The following MAN2A2 variants were observed in gnomAD, a reference collection of about 807,000 sequenced individuals.
MAN2A2 encodes alpha-mannosidase 2x.
MAN2A2 carries 79 observed loss-of-function variants against 126.8 expected under a neutral mutation model. That is an observed-to-expected ratio of 0.62 (90% CI 0.52 to 0.75). MAN2A2 has a LOEUF of 0.75. Among genes scored for constraint, MAN2A2 ranks in the 30% least tolerant of loss-of-function variants. The probability of loss-of-function intolerance (pLI) is 0.00; values close to 1 mark genes in which losing one functional copy is unlikely to be tolerated. For missense variants in MAN2A2, 1,392 were observed against 1,522.4 expected, an observed-to-expected ratio of 0.91 and a Z score of 1.43; for synonymous variants, 671 against 618.7, an observed-to-expected ratio of 1.08 and a Z score of -1.25.
At position 90,907,396 on chromosome 15, in the gene MAN2A2, T is replaced by C. The variant is rs2034384716; in HGVS notation, c.1097T>C (p.Ile366Thr). 6.2e-7 allele frequency: 1 copy of C among 1,614,142 alleles called. No homozygotes were observed. The highest frequency in any genetic ancestry group is 8.5e-7 in the Non-Finnish European group (1 of 1,180,008). The change falls in exon 8 of 23, where the codon ATC (isoleucine) becomes ACC (threonine). Residue 366 changes from isoleucine (I) to threonine (T), a missense_variant. Coordinates refer to ENST00000559717, the MANE Select transcript of MAN2A2 (RefSeq NM_006122.4). ...VPHTCGPDPK[I>T]CCQFDFKRLP... ...CATACCTGTGGCCCAGATCCCAAGA[T>C]CTGCTGCCAATTTGATTTCAAACGC...
At chr15:90,918,530 C>G in intron 21 of MAN2A2, 115 bp from the exon 22 acceptor site, 2 of 1,227,304 alleles carry the variant, frequency 1.6e-6, no homozygotes, top group Non-Finnish European at 2.3e-6. Flanking sequence ...AGGTTTTGGC[C>G]TTTCCTTACC....
chr15:90,915,305 A>C (rs190634380), intron 19 of MAN2A2: 6 of 152,344 alleles, frequency 3.9e-5, no homozygotes, highest in African/African-American at 1.2e-4. Context: ...TAAGGACTGG[A>C]GAGGTGAAAG....
chr15:90,906,311 G>A, intron 5 of MAN2A2, 59 bp from the exon 6 acceptor site: 2 of 1,605,862 alleles, frequency 1.2e-6, no homozygotes, highest in South Asian at 2.2e-5. Flanking sequence ...GACATTTGCT[G>A]GTTGGCAGGA....
In MAN2A2 at chr15:90,910,863, G is replaced by A. The variant is rs1215966127; in HGVS notation, c.1777G>A (p.Val593Ile). 3 of 1,613,964 alleles carry A rather than the reference G, an allele frequency of 1.9e-6. No homozygotes were observed. In the African/African-American group the frequency reaches 4.0e-5, roughly 22 times the overall value. The change falls in exon 12 of 23, where the codon GTC becomes ATC. Residue 593 changes from valine (V) to isoleucine (I), a missense_variant. Coordinates refer to ENST00000559717, the MANE Select transcript of MAN2A2 (RefSeq NM_006122.4). ...CACCCACAGGCTTCTGCGCTCCCTT[G>A]TCAACCTGAAGCAGGTCATCATTCA... ...DYGVRLLRSL[V>I]NLKQVIIHAA...
intron 20 of MAN2A2, 85 bp from the exon 21 acceptor site, chr15:90,918,109 G>T: frequency 7.6e-7 from 1 of 1,320,514 alleles, no homozygotes; most frequent in South Asian, 1.3e-5. Context: ...CAAAACAACT[G>T]ACCTGGGTGT....
chr15:90,912,438 G>C (rs1164779132), intron 15 of MAN2A2, 104 bp from the exon 16 acceptor site: 1 of 1,590,816 alleles, frequency 6.3e-7, no homozygotes, highest in Non-Finnish European at 8.6e-7. Context: ...GACAGCATGG[G>C]GAAGCAGGGC....
chr15:90,910,336 C>G (rs1216718079), intron 10 of MAN2A2, 44 bp downstream of exon 10: 2 of 1,607,474 alleles, frequency 1.2e-6, no homozygotes, highest in South Asian at 1.1e-5. Flanking sequence ...GGAGAGTCAG[C>G]CTTTGGGGTT....
rs768468234 is a variant in MAN2A2 at position 90,916,197 on chromosome 15, A to C, written c.2935A>C (p.Asn979His). 1.2e-6 allele frequency: 2 copies of C among 1,614,056 alleles called. No homozygotes were observed. Among genetic ancestry groups the C allele is most frequent in the Non-Finnish European group, 1.7e-6 (2 of 1,180,026 alleles). The change falls in exon 20 of 23, where the codon AAC becomes CAC. Residue 979 changes from asparagine to histidine, a missense_variant. Asn to His is a moderately conservative substitution (Grantham distance 68). Coordinates refer to ENST00000559717, the MANE Select transcript of MAN2A2 (RefSeq NM_006122.4). The stretch of plus-strand genomic sequence containing the variant: ...GGGCCTAGGCCAAGGGCTCAAGGAC[A>C]ACAAGAGAACCTGCAACCGTTTCCG... ...NRGLGQGLKD[N>H]KRTCNRFRLL...
intron 7 of MAN2A2, 42 bp downstream of exon 7, chr15:90,906,955 T>G (rs1250504840): frequency 6.2e-7 from 1 of 1,603,058 alleles, no homozygotes; most frequent in Admixed American, 1.7e-5. Flanking sequence ...CAGCATAGTC[T>G]TCACTGGGGA....
intron 11 of MAN2A2, 41 bp downstream of exon 11, chr15:90,910,724 C>T: frequency 1.2e-6 from 2 of 1,609,766 alleles, no homozygotes; most frequent in Non-Finnish European, 1.7e-6. Flanking sequence ...CCCCTGCTCA[C>T]TGTCCCAAAG....
In MAN2A2 at chr15:90,910,112, A is replaced by C; in HGVS notation, c.1397A>C (p.Asp466Ala). The stretch of plus-strand genomic sequence containing the variant: ...CAGGCCCAGTTTGGCACTCTTTCTG[A>C]CTATTTTGATGCCCTGTACAAGAGG... The part of the protein sequence containing the change: ...HVQAQFGTLS[D>A]YFDALYKRTG... The change falls in exon 10 of 23, where the codon GAC becomes GCC. Residue 466 changes from aspartate (D) to alanine (A), a missense_variant. By Grantham distance (126) the Asp-to-Ala change is moderately radical (BLOSUM62 -2). Coordinates refer to ENST00000559717, the MANE Select transcript of MAN2A2 (RefSeq NM_006122.4). 1 of 1,612,902 alleles carries C rather than the reference A, an allele frequency of 6.2e-7. No individual in the cohort carries two copies. The highest frequency in any genetic ancestry group is 8.5e-7 in the Non-Finnish European group (1 of 1,179,524).
Position 90,910,780 on chromosome 15 carries a change from C to T in MAN2A2, c.1761-67C>T, listed in dbSNP as rs570601257. The stretch of plus-strand genomic sequence containing the variant: ...GGGGTAGGCCGGCCTAGGGCTTGTC[C>T]TGCTGACAAGGCAGACAGCTTCCCT... On this transcript the variant is annotated intron_variant, in intron 11 of 22. Transcript: ENST00000559717. 47 of 1,595,216 alleles carry T rather than the reference C, an allele frequency of 2.9e-5. 1 individual carries two copies. In the African/African-American group the frequency reaches 5.0e-4, roughly 17 times the overall value.
Position 90,919,924 on chromosome 15 carries a change from C to G in MAN2A2, c.*137C>G. On this transcript the variant is annotated 3_prime_UTR_variant, in exon 23 of 23. Coordinates refer to ENST00000559717, the MANE Select transcript of MAN2A2 (RefSeq NM_006122.4). The stretch of plus-strand genomic sequence containing the variant: ...ACACACTGGGCTCTGCCCTCATTTT[C>G]TGTTTATTGCTGCTGCTGTGTTTTC... The G allele has an allele frequency of 1.9e-6, 2 of 1,025,650 alleles. No individual in the cohort carries two copies. The highest frequency in any genetic ancestry group is 1.4e-6 in the Non-Finnish European group (1 of 710,370). 63.5% of individuals were successfully genotyped at this position (1,025,650 alleles called of 1,614,324 possible).
chr15:90,910,377 A>G (rs377094869), intron 10 of MAN2A2, 85 bp downstream of exon 10: 28 of 1,576,218 alleles, frequency 1.8e-5, no homozygotes, highest in South Asian at 1.3e-4. Context: ...TCAGAAGGGA[A>G]TAGATAGGCC....
rs200767675 is a variant in MAN2A2, at chr15:90,911,191, C to G, written c.1896C>G (p.His632Gln). 13 of 1,613,950 alleles carry G rather than the reference C, an allele frequency of 8.1e-6. No individual in the cohort carries two copies. The highest frequency in any genetic ancestry group is 1.1e-5 in the Non-Finnish European group (13 of 1,180,010). The change falls in exon 13 of 23, where the codon CAC becomes CAG. Residue 632 changes from histidine (H) to glutamine (Q), a missense_variant. Physicochemically the swap from His to Gln is conservative, Grantham distance 24. Transcript: ENST00000559717. ...FLQVDDTRLS[H>Q]DALPERTVIQ... ...TCCAGGATGACACTCGCTTAAGTCA[C>G]GACGCCCTCCCAGAGCGCACGGTGA...
rs778106677 is a variant in MAN2A2 at position 90,912,554 on chromosome 15, G to A, written c.2359G>A (p.Val787Met). 2.5e-6 allele frequency: 4 copies of A among 1,613,850 alleles called. No homozygotes were observed. The highest frequency in any genetic ancestry group is 3.4e-6 in the Non-Finnish European group (4 of 1,179,926). The change falls in exon 16 of 23, where the codon GTG becomes ATG. Residue 787 changes from valine (V) to methionine (M), a missense_variant. Coordinates refer to ENST00000559717, the MANE Select transcript of MAN2A2 (RefSeq NM_006122.4). ...TGTTTTTTGGCAGAGCATCCGAAGG[G>A]TGGATGAGGAGCACGAGCAGCAGGT... ...LTGLLKSIRR[V>M]DEEHEQQVDM...
intron 13 of MAN2A2, 42 bp downstream of exon 13, chr15:90,911,280 C>G: frequency 9.3e-6 from 15 of 1,611,416 alleles, no homozygotes; most frequent in Non-Finnish European, 1.3e-5. Flanking sequence ...AGAGCCATTC[C>G]CTGGCTCTCA....
At chr15:90,907,124 C>T (rs930042174) in intron 7 of MAN2A2, 185 bp from the exon 8 acceptor site, 4 of 809,940 alleles carry the variant, frequency 4.9e-6, no homozygotes, top group Non-Finnish European at 7.7e-6. Flanking sequence ...TTCAGCGTGC[C>T]CTGTGTGCCC....
chr15:90,907,660 C>A (rs2034409276), intron 8 of MAN2A2, 165 bp downstream of exon 8: 1 of 636,470 alleles, frequency 1.6e-6, no homozygotes, highest in East Asian at 2.8e-5. Flanking sequence ...GCTCTTGCAA[C>A]CACCTTTCAC....
Sources: allele counts gnomAD v4.1 joint callset, GRCh38; gene constraint gnomAD v4.1.1; transcripts MANE v1.5; gene names NCBI Gene and HGNC (gene_info 2026-07-23, HGNC 2026-07-21).